The following TOX3 variants were observed in gnomAD, a reference collection of about 807,000 sequenced individuals.
TOX3 encodes the protein CAG trinucleotide repeat-containing gene F9 protein.
A neutral mutation model predicts 64.3 loss-of-function variants in TOX3; 22 were observed. The observed-to-expected ratio is 0.34, with a 90% CI of 0.24 to 0.49. The LOEUF (loss-of-function observed/expected upper bound fraction) is 0.49, where lower values mean the gene tolerates loss of function less well. Ranked by LOEUF, TOX3 falls within the 20% of genes least tolerant of loss-of-function variation. TOX3 has a pLI of 0.99. For synonymous variants in TOX3, 291 were observed against 273.6 expected (o/e 1.06, Z -0.63); for missense variants, 661 against 714.4 (o/e 0.93, Z 0.85).
chr16:52,521,553 T>C (rs1156967448), intron 1 of TOX3, among the ~76,000 whole-genome samples: 1 of 152,244 alleles, frequency 6.6e-6, no homozygotes, highest in Non-Finnish European at 1.5e-5. Context: ...TTTGCCTTTG[T>C]GCATGGCCAT....
intron 1 of TOX3, chr16:52,519,411 G>A: frequency 6.4e-7 from 1 of 1,551,418 alleles, no homozygotes. Context: ...CTTACTTTCA[G>A]ATAGGTAGTT....
At chr16:52,445,094 T>G (rs1960123921) in intron 5 of TOX3, 1 of 152,184 alleles carries the variant, frequency 6.6e-6, no homozygotes, top group Non-Finnish European at 1.5e-5. Context: ...GAATTATATT[T>G]CTGGGACAGA....
chr16:52,518,822 C>T (rs1234992314), intron 1 of TOX3, among the ~76,000 whole-genome samples: 1 of 152,202 alleles, frequency 6.6e-6, no homozygotes, highest in African/African-American at 2.4e-5. Context: ...GCCTGATGAT[C>T]AATGAACTGC....
chr16:52,474,897 T>C (rs1175601526), intron 1 of TOX3, among the ~76,000 whole-genome samples: 2 of 152,144 alleles, frequency 1.3e-5, no homozygotes, highest in East Asian at 1.9e-4. Context: ...GTCCTTCCCC[T>C]TTCTCACACT....
At chr16:52,483,303 T>A (rs1171437109) in intron 1 of TOX3, among the ~76,000 whole-genome samples, 2 of 152,060 alleles carry the variant, frequency 1.3e-5, no homozygotes, top group Non-Finnish European at 1.5e-5. Flanking sequence ...ACACAAGGGA[T>A]CAGAATTCCC....
chr16:52,531,849 T>C (rs555467749), intron 1 of TOX3, among the ~76,000 whole-genome samples: 13 of 152,174 alleles, frequency 8.5e-5, no homozygotes, highest in African/African-American at 2.4e-4. Context: ...TGGGCTAGGA[T>C]ACTGATGGCT....
chr16:52,520,846 G>T (rs1962591655), intron 1 of TOX3, among the ~76,000 whole-genome samples: 1 of 152,006 alleles, frequency 6.6e-6, no homozygotes, highest in South Asian at 2.1e-4. Flanking sequence ...TTAGAATTTG[G>T]AATTATGGCT....
intron 1 of TOX3, among the ~76,000 whole-genome samples, chr16:52,519,119 A>T (rs139325969): frequency 6.6e-6 from 1 of 152,344 alleles, no homozygotes; most frequent in Non-Finnish European, 1.5e-5. Context: ...AGGCATGTAG[A>T]ACCAACCTGT....
At chr16:52,540,978 C>T (rs892752480) in intron 1 of TOX3, among the ~76,000 whole-genome samples, 3 of 152,094 alleles carry the variant, frequency 2.0e-5, no homozygotes, top group Non-Finnish European at 4.4e-5. Flanking sequence ...TTCTCTGCAG[C>T]CCAAAGCACT....
At chr16:52,534,409 G>A (rs1173105254) in intron 1 of TOX3, among the ~76,000 whole-genome samples, 1 of 152,112 alleles carries the variant, frequency 6.6e-6, no homozygotes, top group Non-Finnish European at 1.5e-5. Context: ...GGGCCATGGC[G>A]AGAGGATCAC....
At chr16:52,457,062 T>C (rs1192486668) in intron 3 of TOX3, among the ~76,000 whole-genome samples, 1 of 152,238 alleles carries the variant, frequency 6.6e-6, no homozygotes, top group African/African-American at 2.4e-5. Context: ...GAGAAGAGAA[T>C]GGATAAAACT....
chr16:52,459,628 G>A (rs1960629735), intron 3 of TOX3, among the ~76,000 whole-genome samples: 1 of 152,068 alleles, frequency 6.6e-6, no homozygotes, highest in Admixed American at 6.5e-5. Flanking sequence ...GTGAACTTTA[G>A]CTCCCCAGCC....
intron 3 of TOX3, among the ~76,000 whole-genome samples, chr16:52,461,870 C>A (rs1960702122): frequency 6.6e-6 from 1 of 152,096 alleles, no homozygotes; most frequent in Non-Finnish European, 1.5e-5. Context: ...CCTGACATAA[C>A]CAATTTTTAA....
At chr16:52,518,551 T>G (rs1017238426) in intron 1 of TOX3, among the ~76,000 whole-genome samples, 1 of 152,220 alleles carries the variant, frequency 6.6e-6, no homozygotes, top group Admixed American at 6.5e-5. Flanking sequence ...TAATAAAACG[T>G]CTTCTCTATA....
chr16:52,485,306 A>G (rs1307790471), intron 1 of TOX3, among the ~76,000 whole-genome samples: 1 of 149,664 alleles, frequency 6.7e-6, no homozygotes, highest in Non-Finnish European at 1.5e-5. Context: ...GAGTCATAAA[A>G]AAAGAATGAA....
At chr16:52,478,303 C>G (rs1287327835) in intron 1 of TOX3, among the ~76,000 whole-genome samples, 6 of 152,194 alleles carry the variant, frequency 3.9e-5, no homozygotes, top group Non-Finnish European at 7.3e-5. Context: ...GCCTGGTCCT[C>G]AGTTCTTTCT....
intron 6 of TOX3, 150 bp from the exon 7 acceptor site, chr16:52,440,118 C>G: frequency 6.0e-6 from 4 of 669,328 alleles, no homozygotes; most frequent in Non-Finnish European, 9.5e-6. Flanking sequence ...GTGACTTTTT[C>G]ACTCCTCCCT....
At chr16:52,519,351 A>G in intron 1 of TOX3, 1 of 1,496,620 alleles carries the variant, frequency 6.7e-7, no homozygotes, top group African/African-American at 1.4e-5. Context: ...AAAAGACACT[A>G]TCTGGTTAGC....
chr16:52,475,328 T>G (rs1961176674), intron 1 of TOX3, among the ~76,000 whole-genome samples: 1 of 152,192 alleles, frequency 6.6e-6, no homozygotes, highest in Non-Finnish European at 1.5e-5. Context: ...TACTCAGAAC[T>G]GCTGTCCAAG....
Sources: gnomAD v4.1 joint callset for allele counts (sites outside exome capture counted in the v4.1 genomes callset) on GRCh38, gnomAD v4.1.1 for gene constraint, MANE v1.5 for transcripts, NCBI Gene and HGNC (gene_info 2026-07-23, HGNC 2026-07-21) for gene names.